DST: variants seen among roughly 807,000 people sequenced by gnomAD.
DST encodes dystonin.
Under a neutral mutation model 875.2 loss-of-function variants are expected in DST, and 253 were observed. The ratio of observed to expected loss-of-function variants is 0.29; its 90% CI spans 0.26 to 0.32. The LOEUF is 0.32. DST is among the 10% of genes least tolerant of loss of function. The pLI, the probability that DST is intolerant of heterozygous loss-of-function variation, is 1.00. For missense variants in DST, 8,287 were observed against 9,111.6 expected (o/e 0.91, Z 3.68); for synonymous variants, 3,124 against 3,197.1 (o/e 0.98, Z 0.77).
intron 2 of DST, among the ~76,000 whole-genome samples, chr6:56,941,993 G>T (rs1006868553): frequency 6.6e-6 from 1 of 152,164 alleles, no homozygotes; most frequent in Non-Finnish European, 1.5e-5. Context: ...ACCTTTTGAG[G>T]TTAGGTTTAT....
In DST at chr6:56,624,578, T is replaced by C. The variant is rs775223944; in HGVS notation, c.4881A>G (p.Gln1627=). 1 of 1,613,504 alleles carries C rather than the reference T, an allele frequency of 6.2e-7. No homozygotes were observed. ...RYTALVTLMT[Q]YIKFAGDSLK... Reference sequence around the variant, plus strand: ...ATGAATCACCAGCAAATTTAATATATTGTGTCATGAGAGTGACCAGGGCAG... The same window carrying C: ...ATGAATCACCAGCAAATTTAATATACTGTGTCATGAGAGTGACCAGGGCAG... Residue 1627 remains glutamine, a synonymous_variant, in exon 36 of 104, where the codon CAA becomes CAG. Transcript: ENST00000680361.
intron 2 of DST, among the ~76,000 whole-genome samples, chr6:56,915,457 A>G (rs1800478460): frequency 6.6e-6 from 1 of 152,206 alleles, no homozygotes; most frequent in Non-Finnish European, 1.5e-5. Context: ...GTGAGAAAAG[A>G]AAATGGGCCA....
chr6:56,674,814 ACT>A (rs1351403015), intron 9 of DST, among the ~76,000 whole-genome samples: 2 of 152,218 alleles, frequency 1.3e-5, no homozygotes, highest in Non-Finnish European at 2.9e-5. Context: ...AAGAATTAAC[ACT>A]GTTAAAATGT....
At chr6:56,860,106 G>A (rs560926232) in intron 3 of DST, among the ~76,000 whole-genome samples, 1 of 152,194 alleles carries the variant, frequency 6.6e-6, no homozygotes, top group Non-Finnish European at 1.5e-5. Context: ...TTCAGATGTG[G>A]AATACTGGCC....
intron 69 of DST, among the ~76,000 whole-genome samples, chr6:56,525,882 T>C (rs1232298064): frequency 2.6e-5 from 4 of 152,154 alleles, no homozygotes; most frequent in Admixed American, 2.0e-4. Flanking sequence ...CCTTCTGTCA[T>C]CTTCAGAAAA....
intron 99 of DST, 100 bp from the exon 100 acceptor site, chr6:56,464,856 T>C (rs41271850): frequency 0.036 from 30,505 of 857,086 alleles, 738 homozygotes; most frequent in African/African-American, 0.052. Context: ...TGCTCACATC[T>C]GGCCTTTAGC....
rs115111474 is a variant in DST at position 56,794,896 on chromosome 6, A to G, written c.625+56501T>C. ...GAAAAGATCCCAAGATTCTGATCCC[A>G]GGAGTTCCCCCACTGCAATGACCCA... On this transcript the variant is annotated intron_variant, in intron 4 of 103. Transcript: ENST00000680361. 3.3e-3 allele frequency among the ~76,000 whole-genome samples: 506 copies of G among 152,298 alleles called. 4 individuals carry two copies. Among genetic ancestry groups the G allele is most frequent in the African/African-American group, 0.012 (491 of 41,578 alleles).
In DST at chr6:56,478,567, T is replaced by A. The variant is rs1003649347; in HGVS notation, c.21532-1079A>T. ...CTACCATCAGAACTATATCCATAGA[T>A]AAGACAGATCATAGAACTCTGAAAA... is the stretch of plus-strand genomic sequence containing the variant. On this transcript the variant is annotated intron_variant, in intron 90 of 103. Coordinates refer to ENST00000680361, the MANE Select transcript of DST (RefSeq NM_001374736.1). Among the ~76,000 whole-genome samples, 40 of 152,230 alleles carry A rather than the reference T, an allele frequency of 2.6e-4. 1 individual carries two copies. The highest frequency in any genetic ancestry group is 2.4e-5 in the African/African-American group (1 of 41,464).
At chr6:56,658,970 G>A (rs111815900) in intron 10 of DST, among the ~76,000 whole-genome samples, 1 of 152,200 alleles carries the variant, frequency 6.6e-6, no homozygotes, top group Non-Finnish European at 1.5e-5. Flanking sequence ...CTGGATGTGT[G>A]GCAAAGGGCC....
chr6:56,603,514 TCATA>T (rs2098465238), intron 41 of DST, 46 bp downstream of exon 41: 3 of 1,590,350 alleles, frequency 1.9e-6, no homozygotes, highest in Non-Finnish European at 2.6e-6. Context: ...TTTTTCCCAG[TCATA>T]CATCAGCTGA....
rs1362688165 is a variant in DST, at chr6:56,608,759, C to T, written c.5869G>A (p.Gly1957Ser). The T allele has an allele frequency of 1.2e-6, 2 of 1,609,304 alleles. No individual in the cohort carries two copies. Among genetic ancestry groups the T allele is most frequent in the Non-Finnish European group, 1.7e-6 (2 of 1,177,498 alleles). The change falls in exon 40 of 104, where the codon GGT becomes AGT. Residue 1957 changes from glycine (G) to serine (S), a missense_variant. This residue lies in a region of DST where 3,138 missense variants were observed against 3,116.6 expected (regional missense o/e 1.01). Coordinates refer to ENST00000680361, the MANE Select transcript of DST (RefSeq NM_001374736.1). The stretch of plus-strand genomic sequence containing the variant: ...CTTCCACATTTTAATGTTATTCTAC[C>T]TCCTTCTTGTGGTCTCACAGGTAGA... The part of the protein sequence containing the change: ...WLLPVRPQEG[G>S]RITLKCGRNI...
intron 32 of DST, among the ~76,000 whole-genome samples, chr6:56,629,012 G>A (rs1474377580): frequency 6.6e-6 from 1 of 152,122 alleles, no homozygotes; most frequent in Non-Finnish European, 1.5e-5. Flanking sequence ...AAGGCAAGCA[G>A]ATTAACTATA....
Position 56,908,100 on chromosome 6 carries a change from C to T in DST, c.217-7479G>A, listed in dbSNP as rs200732838. ...AAAAGAAAATACATATATATATATACACACACACACACACACATATATACA... is the reference window on the plus strand; with the variant it reads ...AAAAGAAAATACATATATATATATATACACACACACACACACATATATACA... On this transcript the variant is annotated intron_variant, in intron 2 of 103. Coordinates refer to ENST00000680361, the MANE Select transcript of DST (RefSeq NM_001374736.1). 2.1e-3 allele frequency among the ~76,000 whole-genome samples: 234 copies of T among 109,906 alleles called. 2 individuals carry two copies. The highest frequency in any genetic ancestry group is 0.016 in the South Asian group (69 of 4,366). 72.1% of individuals were successfully genotyped at this position (109,906 alleles called of 152,430 possible).
chr6:56,619,009 C>T, intron 36 of DST: 1 of 1,613,972 alleles, frequency 6.2e-7, no homozygotes, highest in Non-Finnish European at 8.5e-7. Context: ...TCTTGGTATT[C>T]TGGATGATAA....
At chr6:56,517,726 G>T (rs778641721) in intron 69 of DST, 106 bp from the exon 70 acceptor site, 21 of 1,337,992 alleles carry the variant, frequency 1.6e-5, no homozygotes, top group Non-Finnish European at 2.0e-5. Context: ...TGGAAAATCC[G>T]AGCTTGTCTC....
chr6:56,636,465 T>C (rs1308359330), intron 23 of DST, 92 bp downstream of exon 23: 4 of 962,088 alleles, frequency 4.2e-6, no homozygotes, highest in Non-Finnish European at 6.6e-6. Context: ...CAGAAACACA[T>C]TGTTATCCTA....
chr6:56,840,134 A>G (rs1444100332), intron 4 of DST, among the ~76,000 whole-genome samples: 2 of 152,212 alleles, frequency 1.3e-5, no homozygotes, highest in Non-Finnish European at 2.9e-5. Context: ...ACTTAACATC[A>G]TACTACAAAG....
At chr6:56,654,607 T>C (rs2098995450) in intron 10 of DST, among the ~76,000 whole-genome samples, 1 of 149,700 alleles carries the variant, frequency 6.7e-6, no homozygotes, top group African/African-American at 2.5e-5. Flanking sequence ...TATATATATC[T>C]CCACACGTAT....
At chr6:56,653,329 C>T (rs1326047575) in intron 10 of DST, among the ~76,000 whole-genome samples, 1 of 152,090 alleles carries the variant, frequency 6.6e-6, no homozygotes, top group Non-Finnish European at 1.5e-5. Context: ...GGTTTTCCTC[C>T]ACTAAAAGAC....
Sources: gnomAD v4.1 joint callset for allele counts (sites outside exome capture counted in the v4.1 genomes callset) on GRCh38, gnomAD v4.1.1 for gene constraint, gnomAD v4.1.1 regional missense constraint, MANE v1.5 for transcripts, NCBI Gene and HGNC (gene_info 2026-07-23, HGNC 2026-07-21) for gene names.